RUFY3: variants seen among roughly 807,000 people sequenced by gnomAD.
RUFY3 encodes protein RUFY3.
A neutral mutation model predicts 84.0 loss-of-function variants in RUFY3; 34 were observed. The observed-to-expected ratio is 0.40, with a 90% CI of 0.31 to 0.54. RUFY3 has a LOEUF of 0.54. RUFY3 is among the 20% of genes least tolerant of loss of function. The pLI is 0.39. For synonymous variants in RUFY3, 242 were observed against 252.9 expected (o/e 0.96, Z 0.41); for missense variants, 507 against 736.8 (o/e 0.69, Z 3.61).
intron 1 of RUFY3, among the ~76,000 whole-genome samples, chr4:70,708,539 G>A (rs1392082516): frequency 2.0e-5 from 3 of 152,154 alleles, no homozygotes; most frequent in Non-Finnish European, 4.4e-5. Flanking sequence ...ATATTACGAT[G>A]ACTGGCATCT....
intron 1 of RUFY3, among the ~76,000 whole-genome samples, chr4:70,707,492 T>A (rs1248109293): frequency 2.6e-5 from 4 of 152,142 alleles, no homozygotes; most frequent in Non-Finnish European, 5.9e-5. Context: ...ATGATCCACT[T>A]ACCTCAGCCT....
chr4:70,770,987 C>T (rs541832754), intron 5 of RUFY3, among the ~76,000 whole-genome samples: 5 of 152,116 alleles, frequency 3.3e-5, no homozygotes, highest in South Asian at 2.1e-4. Context: ...GATGGGGGAA[C>T]GGCCAGTAAG....
At chr4:70,728,637 C>G (rs1207097711) in intron 1 of RUFY3, among the ~76,000 whole-genome samples, 4 of 152,156 alleles carry the variant, frequency 2.6e-5, no homozygotes, top group Admixed American at 2.6e-4. Context: ...AATTTGTGAT[C>G]TAAGTCCAAT....
At chr4:70,736,600 T>C (rs1720347966) in intron 1 of RUFY3, among the ~76,000 whole-genome samples, 1 of 152,162 alleles carries the variant, frequency 6.6e-6, no homozygotes. Flanking sequence ...AGACGGAGTT[T>C]TGCTCTTATT....
intron 1 of RUFY3, among the ~76,000 whole-genome samples, chr4:70,732,344 A>G (rs796303292): frequency 1.3e-5 from 2 of 152,314 alleles, no homozygotes; most frequent in African/African-American, 4.8e-5. Context: ...GGTACTGTGT[A>G]CTATTTATCG....
intron 1 of RUFY3, among the ~76,000 whole-genome samples, chr4:70,716,708 G>T (rs935104236): frequency 6.6e-6 from 1 of 151,856 alleles, no homozygotes; most frequent in Non-Finnish European, 1.5e-5. Context: ...GCTGGGCATG[G>T]TGGCAGGTGC....
At chr4:70,711,210 C>T (rs1452177929) in intron 1 of RUFY3, among the ~76,000 whole-genome samples, 2 of 151,932 alleles carry the variant, frequency 1.3e-5, no homozygotes, top group Non-Finnish European at 2.9e-5. Flanking sequence ...CCTCCTGCCT[C>T]GGCCTTCCAA....
At chr4:70,769,174 C>T (rs946269539) in intron 5 of RUFY3, among the ~76,000 whole-genome samples, 1 of 152,030 alleles carries the variant, frequency 6.6e-6, no homozygotes, top group East Asian at 1.9e-4. Flanking sequence ...TAGTGAGACC[C>T]CGTCTCTACA....
At chr4:70,725,933 T>C (rs747730310) in intron 1 of RUFY3, among the ~76,000 whole-genome samples, 1 of 152,218 alleles carries the variant, frequency 6.6e-6, no homozygotes, top group Non-Finnish European at 1.5e-5. Context: ...AGAAATCTTA[T>C]TCATACTGAA....
chr4:70,781,340 T>A (rs922219774), intron 8 of RUFY3, among the ~76,000 whole-genome samples: 3 of 152,036 alleles, frequency 2.0e-5, no homozygotes, highest in Non-Finnish European at 4.4e-5. Flanking sequence ...ATTAGCCGGC[T>A]GTTGTGGTGC....
chr4:70,760,147 G>T (rs1394416309), intron 1 of RUFY3, among the ~76,000 whole-genome samples: 1 of 152,138 alleles, frequency 6.6e-6, no homozygotes, highest in Non-Finnish European at 1.5e-5. Context: ...TAGTTAACCT[G>T]TCTGTAGTTC....
upstream of RUFY3, among the ~76,000 whole-genome samples, chr4:70,719,979 A>AGG (rs2148579949): frequency 6.6e-6 from 1 of 152,340 alleles, no homozygotes; most frequent in Non-Finnish European, 1.5e-5. Flanking sequence ...AAATAAAACC[A>AGG]GGAGTATTTT....
chr4:70,799,456 C>G (rs1731959748), intron 14 of RUFY3: 1 of 152,318 alleles, frequency 6.6e-6, no homozygotes, highest in Admixed American at 6.5e-5. Flanking sequence ...ACAAGAATCA[C>G]TTGAATCCAA....
intron 1 of RUFY3, among the ~76,000 whole-genome samples, chr4:70,711,349 C>T (rs989292435): frequency 2.0e-5 from 3 of 152,026 alleles, no homozygotes; most frequent in African/African-American, 4.8e-5. Flanking sequence ...AACATAGAGG[C>T]GTCTGCCCAG....
In RUFY3 at chr4:70,721,975, C is replaced by G; in HGVS notation, c.-599C>G. On this transcript the variant is annotated 5_prime_UTR_variant, in exon 1 of 18. Coordinates refer to ENST00000381006, the MANE Select transcript of RUFY3 (RefSeq NM_001037442.4). ...TGAATTTTCAGTTCAGTTCATTAGT[C>G]AGCCATTTTGGTCAACACCCTGCTT... 8.1e-7 allele frequency: 1 copy of G among 1,232,154 alleles called. No homozygotes were observed. The highest frequency in any genetic ancestry group is 3.2e-5 in the East Asian group (1 of 31,710). The allele number at this position is 1,232,154 out of a possible 1,614,324, so 76.3% of individuals were successfully genotyped here. A position where few individuals can be genotyped will look rare whatever the true frequency, so the allele number is the denominator to read the frequency against.
chr4:70,758,994 TGCCACTGCACTCCA>T (rs774652746), intron 1 of RUFY3, among the ~76,000 whole-genome samples: 3 of 151,582 alleles, frequency 2.0e-5, no homozygotes, highest in Non-Finnish European at 4.4e-5. Flanking sequence ...GCCGAGATCG[TGCCACTGCACTCCA>T]GCCTGGGCGA....
chr4:70,758,728 A>G (rs1461514507), intron 1 of RUFY3, among the ~76,000 whole-genome samples: 1 of 151,372 alleles, frequency 6.6e-6, no homozygotes, highest in African/African-American at 2.4e-5. Flanking sequence ...TCTTCTAGCT[A>G]TTTGAAAATA....
At chr4:70,793,726 G>A in intron 12 of RUFY3, 59 bp from the exon 13 acceptor site, 1 of 1,612,628 alleles carries the variant, frequency 6.2e-7, no homozygotes, top group Non-Finnish European at 8.5e-7. Context: ...TGTGAACTTG[G>A]TCTTCTTCCC....
chr4:70,713,176 A>G (rs1255091059), intron 1 of RUFY3, among the ~76,000 whole-genome samples: 1 of 152,090 alleles, frequency 6.6e-6, no homozygotes, highest in East Asian at 1.9e-4. Flanking sequence ...GGCATGCACC[A>G]CCACACCCAC....
Sources: allele counts gnomAD v4.1 joint callset (sites outside exome capture counted in the v4.1 genomes callset), GRCh38; gene constraint gnomAD v4.1.1; transcripts MANE v1.5; gene names NCBI Gene and HGNC (gene_info 2026-07-23, HGNC 2026-07-21).